Variants in RNF112 observed in about 807,000 individuals in gnomAD.
The protein encoded by RNF112 is ring finger protein 112.
In RNF112, 34 loss-of-function variants were observed where a neutral mutation model predicts 64.7. The observed-to-expected ratio is 0.53, with a 90% CI of 0.40 to 0.70. The LOEUF (loss-of-function observed/expected upper bound fraction) is 0.70, where lower values mean the gene tolerates loss of function less well. RNF112 is among the 30% of genes least tolerant of loss of function. RNF112 has a pLI of 0.00. For synonymous variants in RNF112, 345 were observed against 344.5 expected, an observed-to-expected ratio of 1.00 and a Z score of -0.02; for missense variants, 734 against 850.0, an observed-to-expected ratio of 0.86 and a Z score of 1.70.
Position 19,411,306 on chromosome 17 carries a change from G to T in RNF112, c.-103G>T. 4 of 1,118,284 alleles carry T rather than the reference G, an allele frequency of 3.6e-6. No homozygotes were observed. The highest frequency in any genetic ancestry group is 5.1e-6 in the Non-Finnish European group (4 of 776,720). The allele number at this position is 1,118,284 out of a possible 1,614,324, so 69.3% of individuals were successfully genotyped here. ...CCCCCGACCTCACCTTCTACCTACC[G>T]CAGCCTGCTAGCCTTTCCGGGAGAA... On this transcript the variant is annotated 5_prime_UTR_variant, in exon 1 of 14. Transcript: ENST00000461366.
At position 19,411,245 on chromosome 17, in the gene RNF112, A is replaced by C; in HGVS notation, c.-164A>C. ...TTCCTGACTGTCACATTTCTTTTCC[A>C]GCTCTGACCGGGAGTCAGCTCCTCG... On this transcript the variant is annotated 5_prime_UTR_variant, in exon 1 of 14. Coordinates refer to ENST00000461366, the MANE Select transcript of RNF112 (RefSeq NM_007148.5). The C allele has an allele frequency of 1.6e-6, 1 of 633,354 alleles. No homozygotes were observed. The highest frequency in any genetic ancestry group is 2.0e-5 in the South Asian group (1 of 51,142). The allele number at this position is 633,354 out of a possible 1,614,324, so 39.2% of individuals were successfully genotyped here. A position where few individuals can be genotyped will look rare whatever the true frequency, so the allele number is the denominator to read the frequency against.
rs1263465372 is a variant in RNF112, at chr17:19,415,150, C to T, written c.1239C>T (p.Ala413=). ...AGGGGTACTGGAACGAGGGGCGCGCCGTGGCCAGGGGGGACAGACGCCTAC... is the reference window on the plus strand; with the variant it reads ...AGGGGTACTGGAACGAGGGGCGCGCTGTGGCCAGGGGGGACAGACGCCTAC... ...RCQGYWNEGR[A]VARGDRRLLT... is the part of the protein sequence containing the mutation. The change falls in exon 11 of 14, where the codon GCC becomes GCT. Residue 413 remains alanine, a synonymous_variant. Coordinates refer to ENST00000461366, the MANE Select transcript of RNF112 (RefSeq NM_007148.5). This position sits in a 1 kb window ranked among gnomAD's most constrained non-coding sequence, Gnocchi z 7.8. The T allele has an allele frequency of 9.3e-6, 15 of 1,609,716 alleles. No homozygotes were observed. Among genetic ancestry groups the T allele is most frequent in the Admixed American group, 1.7e-5 (1 of 58,508 alleles).
At position 19,414,159 on chromosome 17, in the gene RNF112, T is replaced by C. The variant is rs1913779127; in HGVS notation, c.876+14T>C. The C allele has an allele frequency of 6.2e-7, 1 of 1,600,222 alleles. No individual in the cohort carries two copies. Among genetic ancestry groups the C allele is most frequent in the Non-Finnish European group, 8.6e-7 (1 of 1,168,490 alleles). On this transcript the variant is annotated intron_variant, in intron 7 of 13. Coordinates refer to ENST00000461366, the MANE Select transcript of RNF112 (RefSeq NM_007148.5). ...GACTATCTGGAGGTAAAGAGACCTC[T>C]GATGTTGGGGCATCCCCCACCCCCA...
rs563370494 is a variant in RNF112, at chr17:19,412,086, C to T, written c.96-412C>T. Among the ~76,000 whole-genome samples, 3 of 152,360 alleles carry T rather than the reference C, an allele frequency of 2.0e-5. No homozygotes were observed. Among genetic ancestry groups the T allele is most frequent in the East Asian group, 1.9e-4 (1 of 5,184 alleles). On this transcript the variant is annotated intron_variant, in intron 2 of 13. Transcript: ENST00000461366. This position sits in a 1 kb window ranked among gnomAD's most constrained non-coding sequence, Gnocchi z 5.1. The stretch of plus-strand genomic sequence containing the variant: ...CAGGCACTGTGCAGACAGCTGCACA[C>T]GCCTCCTCTCGGATGGCCACCCCAA...
At chr17:19,414,016 C>G in intron 6 of RNF112, 79 bp from the exon 7 acceptor site, 1 of 1,273,870 alleles carries the variant, frequency 7.9e-7, no homozygotes, top group Non-Finnish European at 1.1e-6. Flanking sequence ...CCTGCGAGCT[C>G]CCTACTCACC....
chr17:19,414,854 C>T lies in RNF112; in HGVS notation c.1093C>T (p.Arg365Trp), dbSNP rs368926032. The stretch of plus-strand genomic sequence containing the variant: ...CTGCCTCTTGCCTGCCCCAGGGAGG[C>T]GGCGGATGAACCAAGGCCATGCAAG... ...RCCLLPAPGRRRMNQGHASPG... is the reference protein window; with the variant it reads ...RCCLLPAPGRWRMNQGHASPG... The change falls in exon 10 of 14, where the codon CGG (arginine) becomes TGG (tryptophan). Residue 365 changes from arginine (R) to tryptophan (W), a missense_variant. Transcript: ENST00000461366. 38 of 1,613,562 alleles carry T rather than the reference C, an allele frequency of 2.4e-5. No individual in the cohort carries two copies. Among genetic ancestry groups the T allele is most frequent in the African/African-American group, 2.1e-4 (16 of 74,906 alleles).
chr17:19,417,037 C>T lies in RNF112; in HGVS notation c.*862C>T, dbSNP rs558143561. ...CAAAGGAAAACAAAATGAACAACTT[C>T]TACCCTTAAACACATCCTTTCTCCC... On this transcript the variant is annotated 3_prime_UTR_variant, in exon 14 of 14. Transcript: ENST00000461366. 1.6e-4 allele frequency: 25 copies of T among 152,264 alleles called. No homozygotes were observed. Among genetic ancestry groups the T allele is most frequent in the African/African-American group, 6.0e-4 (25 of 41,534 alleles). 9.4% of individuals were successfully genotyped at this position (152,264 alleles called of 1,614,324 possible). A position where few individuals can be genotyped will look rare whatever the true frequency, so the allele number is the denominator to read the frequency against.
Position 19,412,464 on chromosome 17 carries a change from A to T in RNF112, c.96-34A>T. On this transcript the variant is annotated intron_variant, in intron 2 of 13. Coordinates refer to ENST00000461366, the MANE Select transcript of RNF112 (RefSeq NM_007148.5). The surrounding 1 kb of genome is among the most constrained non-coding windows in gnomAD (Gnocchi z 5.1). ...CCGGTACCCCCTGCCCCCAATAGAC[A>T]TCCTGCTTTTCAATGGCCTGTTTTG... 6.3e-7 allele frequency: 1 copy of T among 1,596,782 alleles called. No individual in the cohort carries two copies.
At position 19,412,890 on chromosome 17, in the gene RNF112, A is replaced by T. The variant is rs1444936112; in HGVS notation, c.382-48A>T. On this transcript the variant is annotated intron_variant, in intron 3 of 13. Transcript: ENST00000461366. This position sits in a 1 kb window ranked among gnomAD's most constrained non-coding sequence, Gnocchi z 5.1. ...TCCAGGCTGAACACATTCCAGGGTC[A>T]GGAGCTGGTCCTGGATGCTCAGGGG... 1.9e-6 allele frequency: 3 copies of T among 1,566,410 alleles called. No individual in the cohort carries two copies. In the African/African-American group the frequency reaches 4.1e-5, roughly 21 times the overall value.
In RNF112 at chr17:19,415,233, G is replaced by A; in HGVS notation, c.1296+26G>A. The A allele has an allele frequency of 2.5e-6, 4 of 1,599,054 alleles. No individual in the cohort carries two copies. Among genetic ancestry groups the A allele is most frequent in the Admixed American group, 3.7e-5 (2 of 54,138 alleles). On this transcript the variant is annotated intron_variant, in intron 11 of 13. Coordinates refer to ENST00000461366, the MANE Select transcript of RNF112 (RefSeq NM_007148.5). This position sits in a 1 kb window ranked among gnomAD's most constrained non-coding sequence, Gnocchi z 7.8. ...GTGTGAAAACTCCCTGGAGACCCAG[G>A]CGACTCGGCTGGGCCCCTGCTCTCC...
Position 19,412,891 on chromosome 17 carries a change from G to A in RNF112, c.382-47G>A, listed in dbSNP as rs747232630. ...CCAGGCTGAACACATTCCAGGGTCA[G>A]GAGCTGGTCCTGGATGCTCAGGGGC... is the stretch of plus-strand genomic sequence containing the variant. On this transcript the variant is annotated intron_variant, in intron 3 of 13. Transcript: ENST00000461366. This position sits in a 1 kb window ranked among gnomAD's most constrained non-coding sequence, Gnocchi z 5.1. 16 of 1,566,450 alleles carry A rather than the reference G, an allele frequency of 1.0e-5. No individual in the cohort carries two copies. The highest frequency in any genetic ancestry group is 2.3e-5 in the East Asian group (1 of 43,496).
intron 10 of RNF112, 71 bp downstream of exon 10, chr17:19,414,958 A>G: frequency 6.3e-7 from 1 of 1,593,108 alleles, no homozygotes; most frequent in South Asian, 1.1e-5. Context: ...AGCCCCTTGA[A>G]GCACCCACCT....
Position 19,412,553 on chromosome 17 carries a change from C to A in RNF112, c.151C>A (p.Pro51Thr). 6.2e-7 allele frequency: 1 copy of A among 1,613,410 alleles called. No homozygotes were observed. Among genetic ancestry groups the A allele is most frequent in the South Asian group, 1.1e-5 (1 of 91,048 alleles). The stretch of plus-strand genomic sequence containing the variant: ...AGGCCTGGGGCCCCAGCCCATGGCG[C>A]CCCGGGAGCTCCCTACCTGCTCCAT... ...ELGLGPQPMAPRELPTCSICL... is the reference protein window; with the variant it reads ...ELGLGPQPMATRELPTCSICL... The change falls in exon 3 of 14, where the codon CCC (proline) becomes ACC (threonine). Residue 51 changes from proline (P) to threonine (T), a missense_variant. Transcript: ENST00000461366. This position sits in a 1 kb window ranked among gnomAD's most constrained non-coding sequence, Gnocchi z 5.1.
In RNF112 at chr17:19,413,165, G is replaced by T; in HGVS notation, c.588+21G>T. 1 of 1,606,686 alleles carries T rather than the reference G, an allele frequency of 6.2e-7. No homozygotes were observed. Among genetic ancestry groups the T allele is most frequent in the Non-Finnish European group, 8.5e-7 (1 of 1,175,926 alleles). ...GCCTGGTGAGGGCGGGGCGGGGCAGGAGGGAGGCGGGGAGCAAGGATGGGG... is the reference window on the plus strand; with the variant it reads ...GCCTGGTGAGGGCGGGGCGGGGCAGTAGGGAGGCGGGGAGCAAGGATGGGG... On this transcript the variant is annotated intron_variant, in intron 4 of 13. Transcript: ENST00000461366. The surrounding 1 kb of genome is among the most constrained non-coding windows in gnomAD (Gnocchi z 5.9).
rs537311154 is a variant in RNF112 at position 19,413,212 on chromosome 17, G to A, written c.588+68G>A. On this transcript the variant is annotated intron_variant, in intron 4 of 13. Coordinates refer to ENST00000461366, the MANE Select transcript of RNF112 (RefSeq NM_007148.5). The surrounding 1 kb of genome is among the most constrained non-coding windows in gnomAD (Gnocchi z 5.9). ...GGGGGTTCCTGCCTGGGGGAAGCTG[G>A]GTCTGGTATTCCGGTCTGTGGGGAC... The A allele has an allele frequency of 1.1e-5, 18 of 1,596,608 alleles. No homozygotes were observed. The African/African-American group carries it at 2.3e-4, about 20-fold the overall frequency.
chr17:19,413,828 T>G lies in RNF112; in HGVS notation c.825+147T>G. The G allele has an allele frequency of 1.5e-6, 1 of 680,144 alleles. No homozygotes were observed. The highest frequency in any genetic ancestry group is 2.7e-5 in the East Asian group (1 of 36,514). 42.1% of individuals were successfully genotyped at this position (680,144 alleles called of 1,614,324 possible). A position where few individuals can be genotyped will look rare whatever the true frequency, so the allele number is the denominator to read the frequency against. ...CTTAGAAGGGGGAAGGTGCTCCTAGTTGGTGAAGGTGGGAACGTGGGTTAT... is the reference window on the plus strand; with the variant it reads ...CTTAGAAGGGGGAAGGTGCTCCTAGGTGGTGAAGGTGGGAACGTGGGTTAT... On this transcript the variant is annotated intron_variant, in intron 6 of 13. Coordinates refer to ENST00000461366, the MANE Select transcript of RNF112 (RefSeq NM_007148.5). The surrounding 1 kb of genome is among the most constrained non-coding windows in gnomAD (Gnocchi z 5.9).
chr17:19,415,923 T>G lies in RNF112; in HGVS notation c.1644T>G (p.Ala548=). The change falls in exon 14 of 14, where the codon GCT becomes GCG. Residue 548 remains alanine (A), a synonymous_variant. Transcript: ENST00000461366. The surrounding 1 kb of genome is among the most constrained non-coding windows in gnomAD (Gnocchi z 7.8). ...CGATGCGCTTCTGTGGCCACCTAGCTGCTGTGGGGGGTGCTGTGGGGGCCG... is the reference window on the plus strand; with the variant it reads ...CGATGCGCTTCTGTGGCCACCTAGCGGCTGTGGGGGGTGCTGTGGGGGCCG... The part of the protein sequence containing the change: ...SYTMRFCGHL[A]AVGGAVGAGL... 1.2e-6 allele frequency: 2 copies of G among 1,609,524 alleles called. No individual in the cohort carries two copies. Among genetic ancestry groups the G allele is most frequent in the African/African-American group, 1.3e-5 (1 of 74,412 alleles).
chr17:19,412,706 A>G lies in RNF112; in HGVS notation c.304A>G (p.Lys102Glu). The G allele has an allele frequency of 6.2e-7, 1 of 1,613,178 alleles. No homozygotes were observed. Among genetic ancestry groups the G allele is most frequent in the South Asian group, 1.1e-5 (1 of 91,046 alleles). ...CTGTCCTGAGTGCCGGAAGATATGC[A>G]AGCAGAAGAGGGGCCTCCGGAGCCT... The part of the protein sequence containing the change: ...PCCPECRKIC[K>E]QKRGLRSLGE... Residue 102 changes from lysine (K) to glutamate (E), a missense_variant, in exon 3 of 14, where the codon AAG (lysine) becomes GAG (glutamate). By Grantham distance (56) the Lys-to-Glu change is moderately conservative (BLOSUM62 1). Coordinates refer to ENST00000461366, the MANE Select transcript of RNF112 (RefSeq NM_007148.5). The surrounding 1 kb of genome is among the most constrained non-coding windows in gnomAD (Gnocchi z 5.1).
chr17:19,412,774 T>G lies in RNF112; in HGVS notation c.372T>G (p.Pro124=). 1.2e-6 allele frequency: 2 copies of G among 1,611,550 alleles called. No homozygotes were observed. Among genetic ancestry groups the G allele is most frequent in the Non-Finnish European group, 1.7e-6 (2 of 1,179,418 alleles). Residue 124 remains proline (P), a synonymous_variant, in exon 3 of 14, where the codon CCT becomes CCG. Transcript: ENST00000461366. This position sits in a 1 kb window ranked among gnomAD's most constrained non-coding sequence, Gnocchi z 5.1. ...TCCTGCCGCAGCGGCCGCTGCCCCC[T>G]GCACTGCAGGTCTGGGGACTGGGCC... ...MKLLPQRPLP[P]ALQETCPVRA... is the part of the protein sequence containing the mutation.
Sources: allele counts gnomAD v4.1 joint callset (sites outside exome capture counted in the v4.1 genomes callset), GRCh38; gene constraint gnomAD v4.1.1; non-coding constraint Gnocchi (gnomAD v3.1); transcripts MANE v1.5; gene names NCBI Gene and HGNC (gene_info 2026-07-23, HGNC 2026-07-21).